ALG9: variants seen among roughly 807,000 people sequenced by gnomAD.
The protein encoded by ALG9 is alpha-1,2-mannosyltransferase ALG9.
In ALG9, 55 loss-of-function variants were observed where a neutral mutation model predicts 81.8. The observed-to-expected ratio is 0.67, with a 90% CI of 0.54 to 0.84. The LOEUF (loss-of-function observed/expected upper bound fraction) is 0.84. Ranked by LOEUF, ALG9 falls within the 40% of genes least tolerant of loss-of-function variation. The probability of loss-of-function intolerance (pLI) is 0.00; values close to 1 mark genes in which losing one functional copy is unlikely to be tolerated. For missense variants in ALG9, 629 were observed against 745.0 expected (o/e 0.84, Z 1.81); for synonymous variants, 278 against 274.3 (o/e 1.01, Z -0.13).
intron 13 of ALG9, among the ~76,000 whole-genome samples, chr11:111,819,883 G>A (rs868989622): frequency 5.3e-5 from 8 of 152,260 alleles, no homozygotes; most frequent in South Asian, 2.1e-4. Flanking sequence ...AAGTATTTGC[G>A]GAAGGAAAGA....
At chr11:111,847,339 C>T (rs1174604579) in intron 8 of ALG9, among the ~76,000 whole-genome samples, 5 of 152,200 alleles carry the variant, frequency 3.3e-5, no homozygotes, top group Admixed American at 2.0e-4. Context: ...TTGCGGGTAT[C>T]GTCTGAAACT....
Position 111,821,623 on chromosome 11 carries a change from C to T in ALG9, c.1603-11850G>A, listed in dbSNP as rs931170910. ...TTTGGCTAAGAGTCATAGTGACTTCCGCTGTTTCCCCAGGCTTCTTTTTTT... is the reference window on the plus strand; with the variant it reads ...TTTGGCTAAGAGTCATAGTGACTTCTGCTGTTTCCCCAGGCTTCTTTTTTT... On this transcript the variant is annotated intron_variant, in intron 13 of 14. Coordinates refer to ENST00000616540, the MANE Select transcript of ALG9 (RefSeq NM_024740.2). Among the ~76,000 whole-genome samples the T allele has an allele frequency of 3.3e-5, 5 of 152,064 alleles. No individual in the cohort carries two copies. In the South Asian group the frequency reaches 6.2e-4, roughly 19 times the overall value.
intron 8 of ALG9, among the ~76,000 whole-genome samples, chr11:111,850,011 T>C (rs2137004326): frequency 6.6e-6 from 1 of 152,320 alleles, no homozygotes; most frequent in South Asian, 2.1e-4. Context: ...AAAGACATGC[T>C]ATCTCGCTGT....
intron 14 of ALG9, among the ~76,000 whole-genome samples, chr11:111,808,384 C>T (rs1295391752): frequency 3.3e-5 from 5 of 152,206 alleles, no homozygotes; most frequent in African/African-American, 1.2e-4. Flanking sequence ...TTTGGCCTCA[C>T]TTCTATGACC....
At chr11:111,806,323 A>G (rs950176079) in intron 14 of ALG9, among the ~76,000 whole-genome samples, 2 of 151,850 alleles carry the variant, frequency 1.3e-5, no homozygotes, top group African/African-American at 4.8e-5. Flanking sequence ...TCTCACTTCA[A>G]CCTTTCTAAT....
the ALG9 span, among the ~76,000 whole-genome samples, chr11:111,776,096 C>T: frequency 3.7e-4 from 57 of 152,064 alleles, no homozygotes; most frequent in Non-Finnish European, 7.5e-4. Context: ...GTGCAGACAC[C>T]TGCATTTCCC....
Position 111,870,381 on chromosome 11 carries a change from GCAAAAA to G in ALG9, c.132-17_132-12del. On this transcript the variant is annotated splice_polypyrimidine_tract_variant and intron_variant, in intron 1 of 14. Coordinates refer to ENST00000616540, the MANE Select transcript of ALG9 (RefSeq NM_024740.2). ...TTGTTCCCAGATAACCTGTTCAAAA[GCAAAAA>G]AAAAAAAAAAAAAAAAAGCATGTCA... The G allele has an allele frequency of 1.7e-6, 1 of 575,888 alleles. No homozygotes were observed. The highest frequency in any genetic ancestry group is 1.1e-4 in the Admixed American group (1 of 9,366). The allele number at this position is 575,888 out of a possible 1,614,324, so 35.7% of individuals were successfully genotyped here. A position where few individuals can be genotyped will look rare whatever the true frequency, so the allele number is the denominator to read the frequency against.
intron 9 of ALG9, among the ~76,000 whole-genome samples, chr11:111,843,378 A>G (rs782185199): frequency 2.0e-5 from 3 of 152,210 alleles, no homozygotes; most frequent in Non-Finnish European, 4.4e-5. Flanking sequence ...TATTTTTCAG[A>G]CAATCTAGGA....
intron 13 of ALG9, among the ~76,000 whole-genome samples, chr11:111,834,213 G>A (rs1954844286): frequency 6.6e-6 from 1 of 152,198 alleles, no homozygotes; most frequent in Non-Finnish European, 1.5e-5. Flanking sequence ...GCTCAATATG[G>A]ACTTAAATAG....
intron 14 of ALG9, among the ~76,000 whole-genome samples, chr11:111,799,162 T>C (rs1241986988): frequency 6.6e-6 from 1 of 152,200 alleles, no homozygotes; most frequent in East Asian, 1.9e-4. Flanking sequence ...AATTTTTTTT[T>C]GTATTGAGAC....
intron 14 of ALG9, among the ~76,000 whole-genome samples, chr11:111,806,791 A>G (rs576519667): frequency 6.6e-6 from 1 of 152,300 alleles, no homozygotes; most frequent in African/African-American, 2.4e-5. Flanking sequence ...TGGCAACTGA[A>G]CAGTTAAGTT....
intron 13 of ALG9, among the ~76,000 whole-genome samples, chr11:111,834,408 T>A (rs181754122): frequency 6.6e-6 from 1 of 152,300 alleles, no homozygotes; most frequent in East Asian, 1.9e-4. Flanking sequence ...TGGGTTTCTT[T>A]ACCTGGAATC....
At position 111,871,339 on chromosome 11, in the gene ALG9, G is replaced by A; in HGVS notation, c.131+13C>T. The A allele has an allele frequency of 2.0e-6, 3 of 1,477,864 alleles. No homozygotes were observed. The highest frequency in any genetic ancestry group is 2.7e-6 in the Non-Finnish European group (3 of 1,121,974). The allele number at this position is 1,477,864 out of a possible 1,614,324, so 91.5% of individuals were successfully genotyped here. ...CGCCGGCCGGCCACGCCCCTGCCGC[G>A]CCGCACACGTACTCGGTCCGGTGCT... On this transcript the variant is annotated intron_variant, in intron 1 of 14. Transcript: ENST00000616540.
At chr11:111,825,662 C>CACTGTTT (rs1555107616) in intron 13 of ALG9, among the ~76,000 whole-genome samples, 1 of 152,202 alleles carries the variant, frequency 6.6e-6, no homozygotes, top group East Asian at 1.9e-4. Context: ...GCACTCAGTA[C>CACTGTTT]ACTGTTTAAT....
chr11:111,774,602 C>T, the ALG9 span, among the ~76,000 whole-genome samples: 1 of 152,186 alleles, frequency 6.6e-6, no homozygotes, highest in African/African-American at 2.4e-5. Context: ...TCCATTTGTA[C>T]TTTGTCTAAA....
intron 9 of ALG9, among the ~76,000 whole-genome samples, chr11:111,844,295 C>T (rs1410352731): frequency 2.6e-5 from 4 of 152,128 alleles, no homozygotes; most frequent in Non-Finnish European, 5.9e-5. Flanking sequence ...TCAGCCACCG[C>T]GCCCGGCCTC....
chr11:111,857,612 C>T lies in ALG9; in HGVS notation c.691G>A (p.Ala231Thr), dbSNP rs782361714. 2.5e-6 allele frequency: 4 copies of T among 1,614,126 alleles called. No homozygotes were observed. Among genetic ancestry groups the T allele is most frequent in the Non-Finnish European group, 2.5e-6 (3 of 1,180,014 alleles). Residue 231 changes from alanine (A) to threonine (T), a missense_variant, in exon 6 of 15, where the codon GCA becomes ACA. Physicochemically the swap from Ala to Thr is moderately conservative, Grantham distance 58 (BLOSUM62 0). Coordinates refer to ENST00000616540, the MANE Select transcript of ALG9 (RefSeq NM_024740.2). ...AGAILGWPFS[A>T]ALGLPIAFDL... ...CTGTTAGTTTCTTACCCAAGAGCTG[C>T]ACTGAATGGCCAGCCTAAGATAGCC...
At chr11:111,801,066 T>C (rs963391733) in intron 14 of ALG9, among the ~76,000 whole-genome samples, 3 of 152,206 alleles carry the variant, frequency 2.0e-5, no homozygotes, top group Non-Finnish European at 4.4e-5. Flanking sequence ...CCCCATCTTA[T>C]CTAGGGTCTA....
At chr11:111,848,106 T>C (rs1475300922) in intron 8 of ALG9, among the ~76,000 whole-genome samples, 2 of 152,168 alleles carry the variant, frequency 1.3e-5, no homozygotes, top group African/African-American at 2.4e-5. Context: ...TTTAACTATG[T>C]GGCATATTCC....
Sources: allele counts gnomAD v4.1 joint callset (sites outside exome capture counted in the v4.1 genomes callset), GRCh38; gene constraint gnomAD v4.1.1; transcripts MANE v1.5; gene names NCBI Gene and HGNC (gene_info 2026-07-23, HGNC 2026-07-21).